Variants in TTC28 observed in about 807,000 individuals in gnomAD.
TTC28 encodes the protein tetratricopeptide repeat protein 28.
TTC28 carries 61 observed loss-of-function variants against 198.0 expected under a neutral mutation model. The observed-to-expected ratio is 0.31, with a 90% CI of 0.25 to 0.38. TTC28 has a LOEUF of 0.38. Ranked by LOEUF, TTC28 falls within the 10% of genes least tolerant of loss-of-function variation. TTC28 has a pLI of 1.00. For missense variants in TTC28, 2,678 were observed against 3,164.0 expected (o/e 0.85, Z 3.69); for synonymous variants, 1,171 against 1,297.8 (o/e 0.90, Z 2.10).
intron 2 of TTC28, among the ~76,000 whole-genome samples, chr22:28,493,135 C>A (rs1311186745): frequency 6.6e-6 from 1 of 151,192 alleles, no homozygotes; most frequent in Non-Finnish European, 1.5e-5. Flanking sequence ...GCAGGTGGAT[C>A]ATTTGAGGTC....
intron 12 of TTC28, among the ~76,000 whole-genome samples, chr22:28,037,491 T>A (rs1202829835): frequency 1.3e-5 from 2 of 152,150 alleles, no homozygotes; most frequent in Non-Finnish European, 2.9e-5. Context: ...AAACTCTCAA[T>A]AAATTAGGTA....
intron 2 of TTC28, among the ~76,000 whole-genome samples, chr22:28,448,819 T>C (rs970856944): frequency 1.3e-4 from 20 of 152,190 alleles, no homozygotes; most frequent in Admixed American, 7.2e-4. Context: ...AGATCACCTC[T>C]GACCTTACCC....
chr22:28,481,658 T>C (rs531970518), intron 2 of TTC28, among the ~76,000 whole-genome samples: 2 of 152,222 alleles, frequency 1.3e-5, no homozygotes, highest in Non-Finnish European at 2.9e-5. Flanking sequence ...TATTATGAAG[T>C]ACAAGCTTTT....
intron 2 of TTC28, among the ~76,000 whole-genome samples, chr22:28,333,924 A>G (rs1483029265): frequency 5.3e-5 from 8 of 152,060 alleles, no homozygotes; most frequent in African/African-American, 1.9e-4. Context: ...ATATGTATAC[A>G]TGTGCCATGC....
chr22:28,638,976 C>T (rs5752764), intron 1 of TTC28, among the ~76,000 whole-genome samples: 89,654 of 152,038 alleles, frequency 0.59, 27,040 homozygotes, highest in South Asian at 0.74. Context: ...TGATACAATT[C>T]CTTACAGAAC....
chr22:28,216,630 T>C (rs1412575002), intron 5 of TTC28, among the ~76,000 whole-genome samples: 2 of 152,168 alleles, frequency 1.3e-5, no homozygotes, highest in Admixed American at 6.5e-5. Flanking sequence ...GGAAAGGATA[T>C]TGACAACATT....
At chr22:28,292,820 A>G (rs2044813097) in intron 5 of TTC28, among the ~76,000 whole-genome samples, 1 of 152,184 alleles carries the variant, frequency 6.6e-6, no homozygotes, top group African/African-American at 2.4e-5. Flanking sequence ...GCTTGCCTCA[A>G]AAAGAAAGTA....
intron 10 of TTC28, among the ~76,000 whole-genome samples, chr22:28,097,797 T>C (rs1569137039): frequency 6.6e-6 from 1 of 152,122 alleles, no homozygotes; most frequent in Non-Finnish European, 1.5e-5. Context: ...TATGTAAATG[T>C]CTCCTTTTAC....
chr22:28,498,263 G>A (rs953186611), intron 2 of TTC28, among the ~76,000 whole-genome samples: 12 of 152,130 alleles, frequency 7.9e-5, no homozygotes, highest in Admixed American at 2.6e-4. Flanking sequence ...CCACGATAAG[G>A]TTCAACCCTA....
chr22:28,503,823 G>T (rs2146373759), intron 2 of TTC28, among the ~76,000 whole-genome samples: 1 of 152,304 alleles, frequency 6.6e-6, no homozygotes, highest in Non-Finnish European at 1.5e-5. Flanking sequence ...TCCAAGAACT[G>T]ATCTCACGAT....
chr22:28,551,711 A>T (rs1032471821), intron 2 of TTC28, among the ~76,000 whole-genome samples: 5 of 152,232 alleles, frequency 3.3e-5, no homozygotes, highest in Non-Finnish European at 5.9e-5. Flanking sequence ...CAAAATCAGC[A>T]TAGAAGGGAC....
intron 1 of TTC28, among the ~76,000 whole-genome samples, chr22:28,661,804 A>G (rs1405896347): frequency 6.6e-6 from 1 of 152,098 alleles, no homozygotes; most frequent in Non-Finnish European, 1.5e-5. Context: ...ATGGGGTCTC[A>G]CCATGTTGGC....
intron 13 of TTC28, among the ~76,000 whole-genome samples, chr22:28,014,668 T>C (rs1162187790): frequency 6.6e-6 from 1 of 152,246 alleles, no homozygotes. Context: ...CTAAGTGCTG[T>C]TCAAAGGATT....
At chr22:28,651,462 C>G (rs1391271494) in intron 1 of TTC28, among the ~76,000 whole-genome samples, 1 of 152,164 alleles carries the variant, frequency 6.6e-6, no homozygotes, top group African/African-American at 2.4e-5. Flanking sequence ...TTCGCCTAGG[C>G]TGGAGTACAG....
intron 2 of TTC28, among the ~76,000 whole-genome samples, chr22:28,360,137 C>T (rs1430915114): frequency 7.2e-5 from 11 of 152,164 alleles, no homozygotes. Context: ...TTCTCTCTCT[C>T]TCCTCCTTTT....
chr22:28,084,976 A>T (rs1460576809), intron 12 of TTC28, among the ~76,000 whole-genome samples: 3 of 152,160 alleles, frequency 2.0e-5, no homozygotes, highest in East Asian at 1.9e-4. Flanking sequence ...GAATAAAAAG[A>T]AATGAACAAA....
chr22:28,164,038 T>A (rs1601410794), intron 5 of TTC28, among the ~76,000 whole-genome samples: 1 of 152,216 alleles, frequency 6.6e-6, no homozygotes, highest in East Asian at 1.9e-4. Context: ...CATGGAGCCT[T>A]GCTCATTGCT....
intron 12 of TTC28, among the ~76,000 whole-genome samples, chr22:28,032,192 TATATATATATAA>T (rs1939129767): frequency 1.8e-5 from 2 of 112,548 alleles, no homozygotes; most frequent in African/African-American, 3.5e-5. Flanking sequence ...ATATATAAAA[TATATATATATAA>T]AATATATATA....
At chr22:28,062,593 C>T (rs1011185830) in intron 12 of TTC28, among the ~76,000 whole-genome samples, 3 of 151,994 alleles carry the variant, frequency 2.0e-5, no homozygotes, top group Admixed American at 2.0e-4. Flanking sequence ...TCTAGCCTCC[C>T]AAGAAGCTGA....
Sources: allele counts gnomAD v4.1 joint callset (sites outside exome capture counted in the v4.1 genomes callset), GRCh38; gene constraint gnomAD v4.1.1; transcripts MANE v1.5; gene names NCBI Gene and HGNC (gene_info 2026-07-23, HGNC 2026-07-21).